The following SMYD3 variants were observed in gnomAD, a reference collection of about 807,000 sequenced individuals.
The protein encoded by SMYD3 is SET and MYND domain containing 3.
SMYD3 carries 36 observed loss-of-function variants against 57.7 expected under a neutral mutation model. That is an observed-to-expected ratio of 0.62 (90% confidence interval 0.48 to 0.82). SMYD3 has a LOEUF of 0.82. Among genes scored for constraint, SMYD3 ranks in the 40% least tolerant of loss-of-function variants. SMYD3 has a pLI of 0.00. For missense variants in SMYD3, 515 were observed against 538.8 expected (o/e 0.96, Z 0.44); for synonymous variants, 211 against 195.0 (o/e 1.08, Z -0.68).
intron 1 of SMYD3, among the ~76,000 whole-genome samples, chr1:246,435,621 G>A (rs1389546603): frequency 6.6e-6 from 1 of 151,838 alleles, no homozygotes; most frequent in East Asian, 1.9e-4. Flanking sequence ...AAAACATCAG[G>A]AACTCCTGAG....
intron 8 of SMYD3, among the ~76,000 whole-genome samples, chr1:245,891,262 G>A (rs2053368873): frequency 6.6e-6 from 1 of 152,160 alleles, no homozygotes; most frequent in African/African-American, 2.4e-5. Context: ...AAATGCTTGA[G>A]GCAATGGATA....
chr1:246,080,305 A>C (rs1311370256), intron 5 of SMYD3, among the ~76,000 whole-genome samples: 1 of 152,048 alleles, frequency 6.6e-6, no homozygotes, highest in African/African-American at 2.4e-5. Context: ...GTGAGCAGGC[A>C]TGACCACTGG....
intron 5 of SMYD3, among the ~76,000 whole-genome samples, chr1:246,264,514 A>T (rs2064068550): frequency 6.6e-6 from 1 of 152,178 alleles, no homozygotes; most frequent in Admixed American, 6.5e-5. Context: ...TAACTTTTCT[A>T]TATTTTTTCA....
At chr1:245,757,272 A>G (rs1474635489) in intron 11 of SMYD3, among the ~76,000 whole-genome samples, 1 of 152,122 alleles carries the variant, frequency 6.6e-6, no homozygotes, top group Non-Finnish European at 1.5e-5. Flanking sequence ...TTCACTTTGC[A>G]TAATGCCTTC....
intron 5 of SMYD3, among the ~76,000 whole-genome samples, chr1:246,309,699 G>C (rs996248277): frequency 2.0e-5 from 3 of 152,172 alleles, no homozygotes; most frequent in Non-Finnish European, 4.4e-5. Context: ...GAAGCCACTT[G>C]CTGAGACATT....
At chr1:246,342,652 C>T (rs2065650863) in intron 2 of SMYD3, among the ~76,000 whole-genome samples, 2 of 152,084 alleles carry the variant, frequency 1.3e-5, no homozygotes, top group Admixed American at 6.5e-5. Context: ...AATGCTGTAT[C>T]AAATGTAGAG....
rs1334032591 is a variant in SMYD3, at chr1:246,378,720, ATATAT to A, written c.165-23631_165-23627del. ...AACTCCCCTTTATATATATAATATA[ATATAT>A]TATATATTATATATAATTATATATA... On this transcript the variant is annotated intron_variant, in intron 1 of 11. Coordinates refer to ENST00000490107, the MANE Select transcript of SMYD3 (RefSeq NM_001167740.2). 1.8e-4 allele frequency among the ~76,000 whole-genome samples: 5 copies of A among 27,592 alleles called. 1 individual carries two copies. Among genetic ancestry groups the A allele is most frequent in the Admixed American group, 1.5e-3 (3 of 2,010 alleles). The allele number at this position is 27,592 out of a possible 152,430, so 18.1% of individuals were successfully genotyped here.
intron 1 of SMYD3, among the ~76,000 whole-genome samples, chr1:246,476,096 A>G (rs1441925584): frequency 6.6e-6 from 1 of 152,244 alleles, no homozygotes; most frequent in Non-Finnish European, 1.5e-5. Context: ...TGTAATGTTC[A>G]TTCTAATGAA....
At chr1:245,817,225 G>A (rs1392944835) in intron 10 of SMYD3, among the ~76,000 whole-genome samples, 2 of 145,646 alleles carry the variant, frequency 1.4e-5, no homozygotes, top group African/African-American at 2.6e-5. Context: ...GCCTCCTCAA[G>A]TGGGTCCCTG....
chr1:245,872,390 G>A (rs1443683021), intron 8 of SMYD3, among the ~76,000 whole-genome samples: 1 of 143,998 alleles, frequency 6.9e-6, no homozygotes, highest in Admixed American at 7.1e-5. Flanking sequence ...GCCGACCCCA[G>A]GATGGATGTC....
chr1:246,325,799 T>G (rs2065340052), intron 5 of SMYD3: 1 of 152,142 alleles, frequency 6.6e-6, no homozygotes, highest in Admixed American at 6.5e-5. Flanking sequence ...AACTTAACAC[T>G]AGGAATGAGG....
At chr1:245,891,236 C>A (rs4654161) in intron 8 of SMYD3, among the ~76,000 whole-genome samples, 151,999 of 152,382 alleles carry the variant, frequency 1, 75,812 homozygotes, top group Middle Eastern at 1. Context: ...AATATTTGTA[C>A]CACAAAAGAA....
chr1:246,077,571 T>G (rs561209990), intron 5 of SMYD3, among the ~76,000 whole-genome samples: 1 of 152,196 alleles, frequency 6.6e-6, no homozygotes, highest in East Asian at 1.9e-4. Flanking sequence ...TTTTTTTTTC[T>G]GTAATCAGAA....
chr1:245,949,785 G>A (rs989813451), intron 5 of SMYD3, among the ~76,000 whole-genome samples: 1 of 151,928 alleles, frequency 6.6e-6, no homozygotes, highest in African/African-American at 2.4e-5. Flanking sequence ...CTCCAGCCTG[G>A]GCAACAGAGT....
intron 10 of SMYD3, among the ~76,000 whole-genome samples, chr1:245,803,603 G>A (rs901457040): frequency 6.6e-6 from 1 of 152,196 alleles, no homozygotes; most frequent in Admixed American, 6.5e-5. Flanking sequence ...GCCACGTGGA[G>A]GCTAAAAAGT....
intron 5 of SMYD3, among the ~76,000 whole-genome samples, chr1:246,060,993 C>T (rs1023271292): frequency 2.6e-5 from 4 of 151,766 alleles, no homozygotes; most frequent in East Asian, 2.0e-4. Flanking sequence ...TTTGGGAGGC[C>T]GAGGCGGGCG....
chr1:246,246,231 C>G (rs538862929), intron 5 of SMYD3, among the ~76,000 whole-genome samples: 1 of 152,288 alleles, frequency 6.6e-6, no homozygotes, highest in South Asian at 2.1e-4. Context: ...AAACGTTCTT[C>G]TCTTCCCCTT....
chr1:246,397,888 G>A (rs1354572663), intron 1 of SMYD3, among the ~76,000 whole-genome samples: 1 of 145,696 alleles, frequency 6.9e-6, no homozygotes, highest in Non-Finnish European at 1.5e-5. Context: ...CCTCTGGGGT[G>A]GGGGCACAAG....
At chr1:246,349,779 T>G (rs950792269) in intron 2 of SMYD3, among the ~76,000 whole-genome samples, 1 of 152,186 alleles carries the variant, frequency 6.6e-6, no homozygotes, top group African/African-American at 2.4e-5. Context: ...TATATCTATA[T>G]CTGATGTTCT....
Sources: allele counts gnomAD v4.1 joint callset (sites outside exome capture counted in the v4.1 genomes callset), GRCh38; gene constraint gnomAD v4.1.1; transcripts MANE v1.5; gene names NCBI Gene and HGNC (gene_info 2026-07-23, HGNC 2026-07-21).